Variants in TTC7B observed in about 807,000 individuals in gnomAD.
The protein encoded by TTC7B is tetratricopeptide repeat protein 7B.
Under a neutral mutation model 106.8 loss-of-function variants are expected in TTC7B, and 28 were observed. That is an observed-to-expected ratio of 0.26 (90% confidence interval 0.19 to 0.36). TTC7B has a LOEUF of 0.36. Ranked by LOEUF, TTC7B falls within the 10% of genes least tolerant of loss-of-function variation. The pLI is 1.00. For synonymous variants in TTC7B, 405 were observed against 430.6 expected, an observed-to-expected ratio of 0.94 and a Z score of 0.74; for missense variants, 862 against 1,076.4, an observed-to-expected ratio of 0.80 and a Z score of 2.79.
chr14:90,638,876 A>C (rs899622733), intron 15 of TTC7B, among the ~76,000 whole-genome samples: 1 of 152,258 alleles, frequency 6.6e-6, no homozygotes, highest in African/African-American at 2.4e-5. Context: ...CACGATGGCC[A>C]ATGGAACAAA....
At chr14:90,738,105 G>T (rs1453483351) in intron 4 of TTC7B, among the ~76,000 whole-genome samples, 1 of 152,032 alleles carries the variant, frequency 6.6e-6, no homozygotes, top group Non-Finnish European at 1.5e-5. Flanking sequence ...TGCTATTTTT[G>T]AGAAAAGAAA....
chr14:90,712,630 T>C (rs1013682746), intron 5 of TTC7B, among the ~76,000 whole-genome samples: 2 of 152,076 alleles, frequency 1.3e-5, no homozygotes, highest in African/African-American at 4.8e-5. Context: ...AAGATCTAAA[T>C]AAATGGAGAG....
At chr14:90,573,576 C>T (rs1009305750) in intron 19 of TTC7B, among the ~76,000 whole-genome samples, 8 of 135,472 alleles carry the variant, frequency 5.9e-5, no homozygotes, top group African/African-American at 2.0e-4. Context: ...CTCCGGCTCA[C>T]GGTCCCTCTC....
intron 9 of TTC7B, among the ~76,000 whole-genome samples, chr14:90,666,758 G>C (rs1340472693): frequency 6.6e-6 from 1 of 152,162 alleles, no homozygotes; most frequent in East Asian, 1.9e-4. Flanking sequence ...GAGTTTTATT[G>C]CTTTGGCAAA....
intron 16 of TTC7B, among the ~76,000 whole-genome samples, chr14:90,612,135 C>G (rs542080246): frequency 9.9e-5 from 15 of 152,198 alleles, no homozygotes; most frequent in Non-Finnish European, 1.8e-4. Flanking sequence ...CCACAGGAAG[C>G]AGAAGAAAAC....
intron 6 of TTC7B, among the ~76,000 whole-genome samples, chr14:90,695,108 T>C (rs1303873973): frequency 2.6e-5 from 3 of 113,800 alleles, no homozygotes; most frequent in Non-Finnish European, 5.5e-5. Flanking sequence ...TTTTATTTTA[T>C]TATAAAATAG....
chr14:90,796,127 C>G (rs1891767414), intron 1 of TTC7B, among the ~76,000 whole-genome samples: 1 of 152,160 alleles, frequency 6.6e-6, no homozygotes, highest in South Asian at 2.1e-4. Context: ...CCCTCCCAAC[C>G]AGCTGGGTGA....
chr14:90,612,123 A>G (rs1892900576), intron 16 of TTC7B, among the ~76,000 whole-genome samples: 1 of 152,186 alleles, frequency 6.6e-6, no homozygotes, highest in Non-Finnish European at 1.5e-5. Context: ...CATTAGAGAA[A>G]TCCACAGGAA....
At chr14:90,580,796 G>A (rs1225075361) in intron 18 of TTC7B, among the ~76,000 whole-genome samples, 2 of 152,252 alleles carry the variant, frequency 1.3e-5, no homozygotes, top group Non-Finnish European at 2.9e-5. Context: ...CTGATAGCCA[G>A]GTCCCTGTAA....
intron 15 of TTC7B, among the ~76,000 whole-genome samples, chr14:90,639,281 GAGA>G (rs1885068210): frequency 6.6e-6 from 1 of 152,122 alleles, no homozygotes; most frequent in African/African-American, 2.4e-5. Flanking sequence ...CACAGCTTGG[GAGA>G]AGATTTCTGC....
intron 3 of TTC7B, among the ~76,000 whole-genome samples, chr14:90,773,166 C>T (rs1890918316): frequency 6.6e-6 from 1 of 152,176 alleles, no homozygotes; most frequent in African/African-American, 2.4e-5. Context: ...CTATTCAAAT[C>T]CCCTTCCACT....
At chr14:90,616,600 A>G (rs1360409572) in intron 16 of TTC7B, among the ~76,000 whole-genome samples, 2 of 152,146 alleles carry the variant, frequency 1.3e-5, no homozygotes, top group Non-Finnish European at 1.5e-5. Context: ...TCTTCCTTCC[A>G]GGTGCACTGC....
chr14:90,735,673 A>T (rs925457578), intron 4 of TTC7B, among the ~76,000 whole-genome samples: 1 of 152,136 alleles, frequency 6.6e-6, no homozygotes, highest in Non-Finnish European at 1.5e-5. Context: ...AGCCTGGGCA[A>T]CACAGCGAAA....
At chr14:90,572,178 C>T (rs1294973612) in intron 19 of TTC7B, among the ~76,000 whole-genome samples, 2 of 152,212 alleles carry the variant, frequency 1.3e-5, no homozygotes, top group Non-Finnish European at 2.9e-5. Flanking sequence ...ATACTTCCAG[C>T]TCATCACGCA....
Position 90,576,118 on chromosome 14 carries a change from C to T in TTC7B, c.2310+1988G>A, listed in dbSNP as rs117210101. Among the ~76,000 whole-genome samples, 64 of 152,228 alleles carry T rather than the reference C, an allele frequency of 4.2e-4. 2 individuals carry two copies. In the East Asian group the frequency reaches 0.011, roughly 27 times the overall value. The stretch of plus-strand genomic sequence containing the variant: ...CAGAAAACTCTCCCGGTGCGATTTT[C>T]CTATTTGATCTTTTGTCTCATGTGT... On this transcript the variant is annotated intron_variant, in intron 19 of 19. Transcript: ENST00000328459.
At position 90,541,453 on chromosome 14, in the gene TTC7B, G is replaced by A. The variant is rs148995908; in HGVS notation, c.2447C>T (p.Ala816Val). The A allele has an allele frequency of 2.5e-6, 4 of 1,613,862 alleles. No individual in the cohort carries two copies. The highest frequency in any genetic ancestry group is 2.2e-5 in the East Asian group (1 of 44,870). ...GGCTGTCAGGAAGCACTCCGTAGCC[G>A]CCGCATCGTTGCCCTGAGCTTGGAG... The part of the protein sequence containing the change: ...EVLQAQGNDA[A>V]ATECFLTALE... Residue 816 changes from alanine to valine, a missense_variant, in exon 20 of 20, where the codon GCG becomes GTG. Physicochemically the swap from Ala to Val is moderately conservative, Grantham distance 64 (BLOSUM62 0). Coordinates refer to ENST00000328459, the MANE Select transcript of TTC7B (RefSeq NM_001010854.2).
chr14:90,700,389 C>G (rs1887937730), intron 5 of TTC7B, among the ~76,000 whole-genome samples: 1 of 152,078 alleles, frequency 6.6e-6, no homozygotes, highest in African/African-American at 2.4e-5. Flanking sequence ...TACTGATTTT[C>G]ATTTGAGTTT....
intron 1 of TTC7B, among the ~76,000 whole-genome samples, chr14:90,787,437 G>C (rs1467215964): frequency 6.6e-6 from 1 of 152,172 alleles, no homozygotes; most frequent in Non-Finnish European, 1.5e-5. Flanking sequence ...AAAAGGTCTG[G>C]AAGGACATAT....
At chr14:90,768,322 A>C (rs1018312560) in intron 3 of TTC7B, among the ~76,000 whole-genome samples, 1 of 152,176 alleles carries the variant, frequency 6.6e-6, no homozygotes, top group African/African-American at 2.4e-5. Context: ...TCATGGTGGA[A>C]GGGGATGCAG....
Sources: gnomAD v4.1 joint callset for allele counts (sites outside exome capture counted in the v4.1 genomes callset) on GRCh38, gnomAD v4.1.1 for gene constraint, MANE v1.5 for transcripts, NCBI Gene and HGNC (gene_info 2026-07-23, HGNC 2026-07-21) for gene names.